PLPPR5: variants seen among roughly 807,000 people sequenced by gnomAD.
PLPPR5 encodes phospholipid phosphatase related 5.
A neutral mutation model predicts 33.9 loss-of-function variants in PLPPR5; 16 were observed. The ratio of observed to expected loss-of-function variants is 0.47; its 90% CI spans 0.32 to 0.72. The LOEUF (loss-of-function observed/expected upper bound fraction) is 0.72. Among genes scored for constraint, PLPPR5 ranks in the 30% least tolerant of loss-of-function variants. The pLI is 0.03. For missense variants in PLPPR5, 301 were observed against 406.7 expected, an observed-to-expected ratio of 0.74 and a Z score of 2.23; for synonymous variants, 163 against 150.3, an observed-to-expected ratio of 1.08 and a Z score of -0.62.
chr1:98,946,749 T>C (rs2101200980), intron 3 of PLPPR5, among the ~76,000 whole-genome samples: 1 of 152,192 alleles, frequency 6.6e-6, no homozygotes, highest in Non-Finnish European at 1.5e-5. Flanking sequence ...GACCCCCTAC[T>C]CAGGGCAGAC....
Position 98,919,179 on chromosome 1 carries a change from A to G in PLPPR5, c.798+2703T>C, listed in dbSNP as rs1649463244. Among the ~76,000 whole-genome samples the G allele has an allele frequency of 1.3e-5, 2 of 152,218 alleles. 1 individual carries two copies. ...AGAAGGCCTCACTATTTTAGTAAGA[A>G]GCAATAATGTCTACAATTCAAAAGT... On this transcript the variant is annotated intron_variant, in intron 4 of 5. Coordinates refer to ENST00000263177, the MANE Select transcript of PLPPR5 (RefSeq NM_001037317.2).
rs1649581647 is a variant in PLPPR5, at chr1:98,922,178, C to A, written c.622-120G>T. 5.6e-6 allele frequency: 5 copies of A among 885,116 alleles called. No homozygotes were observed. The East Asian group carries it at 1.5e-4, about 26-fold the overall frequency. 54.8% of individuals were successfully genotyped at this position (885,116 alleles called of 1,614,324 possible). A position where few individuals can be genotyped will look rare whatever the true frequency, so the allele number is the denominator to read the frequency against. On this transcript the variant is annotated intron_variant, in intron 3 of 5. Transcript: ENST00000263177. ...ATATATACGCCTGTATGATTCAAATCATTAACTGGAGTTTATGAAGTTTTT... is the reference window on the plus strand; with the variant it reads ...ATATATACGCCTGTATGATTCAAATAATTAACTGGAGTTTATGAAGTTTTT...
chr1:98,973,348 G>A (rs1447873161), intron 1 of PLPPR5, among the ~76,000 whole-genome samples: 2 of 151,940 alleles, frequency 1.3e-5, no homozygotes, highest in African/African-American at 4.8e-5. Flanking sequence ...CGTAAATGTA[G>A]GGATTGACAG....
intron 5 of PLPPR5, among the ~76,000 whole-genome samples, chr1:98,900,845 T>G (rs1393253375): frequency 6.6e-6 from 1 of 152,152 alleles, no homozygotes; most frequent in Non-Finnish European, 1.5e-5. Context: ...GATAAAAATC[T>G]GAATGAGCTA....
chr1:98,958,573 T>C (rs1334079132), intron 1 of PLPPR5, among the ~76,000 whole-genome samples: 2 of 152,200 alleles, frequency 1.3e-5, no homozygotes, highest in Admixed American at 6.6e-5. Context: ...ATTGGTGAAG[T>C]AGAGCGGATG....
At chr1:98,984,514 C>T (rs1211247030) in intron 1 of PLPPR5, among the ~76,000 whole-genome samples, 1 of 152,044 alleles carries the variant, frequency 6.6e-6, no homozygotes, top group Non-Finnish European at 1.5e-5. Flanking sequence ...GTGAACAACA[C>T]AGAACTTTAC....
At chr1:98,971,075 T>C (rs900941460) in intron 1 of PLPPR5, among the ~76,000 whole-genome samples, 2 of 152,056 alleles carry the variant, frequency 1.3e-5, no homozygotes, top group South Asian at 2.1e-4. Context: ...TGTGTATTGG[T>C]GGGCAGTGTG....
At chr1:98,944,933 G>T (rs1008040910) in intron 3 of PLPPR5, among the ~76,000 whole-genome samples, 1 of 152,214 alleles carries the variant, frequency 6.6e-6, no homozygotes, top group Non-Finnish European at 1.5e-5. Flanking sequence ...TGTGTCGTTT[G>T]AAAAGCAGAC....
chr1:98,993,558 A>G (rs978349346), intron 1 of PLPPR5, among the ~76,000 whole-genome samples: 1 of 152,116 alleles, frequency 6.6e-6, no homozygotes, highest in Non-Finnish European at 1.5e-5. Flanking sequence ...ACACATGTGA[A>G]GGAAGAGGAC....
chr1:98,904,415 C>A (rs1175101110), intron 5 of PLPPR5, among the ~76,000 whole-genome samples: 1 of 151,956 alleles, frequency 6.6e-6, no homozygotes, highest in Non-Finnish European at 1.5e-5. Context: ...TTATTGTGGC[C>A]TGCTGTACCT....
intron 1 of PLPPR5, among the ~76,000 whole-genome samples, chr1:98,959,375 G>A (rs1977485): frequency 0.069 from 10,524 of 152,226 alleles, 506 homozygotes; most frequent in Non-Finnish European, 0.096. Context: ...ATTTCTGCCA[G>A]AACAGTTTCT....
intron 3 of PLPPR5, among the ~76,000 whole-genome samples, chr1:98,928,281 C>A (rs1649836417): frequency 6.6e-6 from 1 of 151,850 alleles, no homozygotes. Flanking sequence ...GGCTTCACAT[C>A]TACTTTTTAC....
chr1:98,896,986 A>G (rs1648501878), intron 5 of PLPPR5, among the ~76,000 whole-genome samples: 1 of 152,046 alleles, frequency 6.6e-6, no homozygotes, highest in African/African-American at 2.4e-5. Context: ...ACTCCAGGGA[A>G]GTCTTTGGAA....
chr1:98,979,489 A>C lies in PLPPR5; in HGVS notation c.238-22748T>G, dbSNP rs112506489. 8.8e-4 allele frequency among the ~76,000 whole-genome samples: 134 copies of C among 152,218 alleles called. 1 individual carries two copies. The highest frequency in any genetic ancestry group is 6.8e-3 in the Middle Eastern group (2 of 294). ...TTGCTATTATAGACATCACATTATT[A>C]TTTAATATATGAATGCTAGGATGAA... On this transcript the variant is annotated intron_variant, in intron 1 of 5. Transcript: ENST00000263177.
chr1:98,919,905 A>G (rs565159299), intron 4 of PLPPR5, among the ~76,000 whole-genome samples: 9 of 152,286 alleles, frequency 5.9e-5, no homozygotes, highest in African/African-American at 1.9e-4. Context: ...ATGATCCTTT[A>G]GGGAGGCTGT....
intron 1 of PLPPR5, among the ~76,000 whole-genome samples, chr1:98,994,747 T>C (rs1490963482): frequency 3.3e-5 from 5 of 152,150 alleles, no homozygotes; most frequent in Admixed American, 3.3e-4. Context: ...TGCATGTTAA[T>C]TACCAATGAT....
chr1:98,979,021 T>C (rs1246076403), intron 1 of PLPPR5, among the ~76,000 whole-genome samples: 1 of 152,002 alleles, frequency 6.6e-6, no homozygotes, highest in African/African-American at 2.4e-5. Context: ...TGAGTTCAAA[T>C]TGATTATTTT....
At chr1:98,945,080 C>T (rs916760452) in intron 3 of PLPPR5, among the ~76,000 whole-genome samples, 1 of 152,092 alleles carries the variant, frequency 6.6e-6, no homozygotes, top group Non-Finnish European at 1.5e-5. Flanking sequence ...TAAGCACTGC[C>T]AGTGTTAGTT....
intron 4 of PLPPR5, among the ~76,000 whole-genome samples, chr1:98,916,023 G>T (rs1175844130): frequency 6.6e-6 from 1 of 152,076 alleles, no homozygotes; most frequent in African/African-American, 2.4e-5. Flanking sequence ...ATTTTGTAAA[G>T]TACCTAATAT....
Sources: allele counts gnomAD v4.1 joint callset (sites outside exome capture counted in the v4.1 genomes callset), GRCh38; gene constraint gnomAD v4.1.1; transcripts MANE v1.5; gene names NCBI Gene and HGNC (gene_info 2026-07-23, HGNC 2026-07-21).